Variants in AFF2 observed in about 807,000 individuals in gnomAD.
The protein encoded by AFF2 is ALF transcription elongation factor 2.
In AFF2, 14 loss-of-function variants were observed where a neutral mutation model predicts 76.9. The ratio of observed to expected loss-of-function variants is 0.18; its 90% CI spans 0.12 to 0.28. AFF2 has a LOEUF of 0.28. Ranked by LOEUF, AFF2 falls within the 10% of genes least tolerant of loss-of-function variation. The pLI, the probability that AFF2 is intolerant of heterozygous loss-of-function variation, is 1.00. For missense variants in AFF2, 868 were observed against 1,001.1 expected (o/e 0.87, Z 1.79); for synonymous variants, 398 against 366.7 (o/e 1.09, Z -0.98).
intron 20 of AFF2, among the ~76,000 whole-genome samples, chrX:148,990,980 C>A (rs2072527433): frequency 8.9e-6 from 1 of 112,031 alleles, no homozygotes; most frequent in Non-Finnish European, 1.9e-5. Flanking sequence ...TTATGTACTG[C>A]AGAGTTTTTG....
Position 148,594,339 on chromosome X carries a change from T to A in AFF2, c.48-57660T>A, listed in dbSNP as rs782667120. Among the ~76,000 whole-genome samples the A allele has an allele frequency of 4.1e-4, 46 of 112,229 alleles. No individual in the cohort carries two copies. In the Middle Eastern group the frequency reaches 0.014, roughly 34 times the overall value. On this transcript the variant is annotated intron_variant, in intron 1 of 20. Transcript: ENST00000370460. ...TTGTTTATGTCTACTAAATTTCAAGTTCTTTCTCAGTTTACAGAAGTAACA... is the reference window on the plus strand; with the variant it reads ...TTGTTTATGTCTACTAAATTTCAAGATCTTTCTCAGTTTACAGAAGTAACA...
At chrX:148,833,841 T>C (rs1027026497) in intron 4 of AFF2, among the ~76,000 whole-genome samples, 2 of 111,642 alleles carry the variant, frequency 1.8e-5, no homozygotes, top group African/African-American at 6.5e-5. Flanking sequence ...AAGGTGAGGC[T>C]TGTGACAACA....
chrX:148,759,924 AT>A (rs782135581), intron 3 of AFF2, among the ~76,000 whole-genome samples: 6 of 111,903 alleles, frequency 5.4e-5, no homozygotes, highest in African/African-American at 1.9e-4. Flanking sequence ...AAATCCAGTA[AT>A]GCCATCAACT....
At chrX:148,747,211 A>T (rs782743002) in intron 3 of AFF2, among the ~76,000 whole-genome samples, 88 of 111,092 alleles carry the variant, frequency 7.9e-4, no homozygotes, top group African/African-American at 2.7e-3. Flanking sequence ...GCTTCCCTTG[A>T]TCCTGACTTC....
intron 1 of AFF2, among the ~76,000 whole-genome samples, chrX:148,644,787 T>G (rs1487712017): frequency 3.6e-5 from 4 of 111,702 alleles, no homozygotes; most frequent in African/African-American, 9.7e-5. Flanking sequence ...ATAAAGAAAT[T>G]TATCTATTAA....
rs781906268 is a variant in AFF2, at chrX:148,843,248, T to C, written c.1211-134T>C. 4.1e-3 allele frequency: 740 copies of C among 180,044 alleles called. 4 individuals are homozygous for C. The highest frequency in any genetic ancestry group is 0.016 in the African/African-American group (453 of 28,726). The allele number at this position is 180,044 out of a possible 1,213,427, so 14.8% of individuals were successfully genotyped here. ...TGATATATCTAACTGGTTCCCCCCC[T>C]TTTTTTTTTTTAATCTGTTACTTAT... On this transcript the variant is annotated intron_variant, in intron 6 of 20. Transcript: ENST00000370460.
At chrX:148,786,168 CAAT>C (rs1569555564) in intron 3 of AFF2, among the ~76,000 whole-genome samples, 1 of 111,770 alleles carries the variant, frequency 8.9e-6, no homozygotes, top group Non-Finnish European at 1.9e-5. Flanking sequence ...TCCTTTTACT[CAAT>C]AAATATGGAA....
chrX:148,821,504 T>C (rs782078307), intron 4 of AFF2, among the ~76,000 whole-genome samples: 11 of 110,719 alleles, frequency 9.9e-5, no homozygotes, highest in Non-Finnish European at 1.7e-4. Context: ...CTGTGTGCCC[T>C]TTTCCACATC....
rs781842639 is a variant in AFF2 at position 148,579,784 on chromosome X, T to G, written c.48-72215T>G. ...TCATGAAACTGACAGCTGAGCTTTATTAAAGCATTTAATGTGCAAGATGGC... is the reference window on the plus strand; with the variant it reads ...TCATGAAACTGACAGCTGAGCTTTAGTAAAGCATTTAATGTGCAAGATGGC... On this transcript the variant is annotated intron_variant, in intron 1 of 20. Coordinates refer to ENST00000370460, the MANE Select transcript of AFF2 (RefSeq NM_002025.4). 8.1e-5 allele frequency among the ~76,000 whole-genome samples: 9 copies of G among 111,620 alleles called. No individual in the cohort carries two copies. In the South Asian group the frequency reaches 3.0e-3, roughly 37 times the overall value.
chrX:148,805,830 C>T (rs964064265), intron 3 of AFF2, among the ~76,000 whole-genome samples: 1 of 112,511 alleles, frequency 8.9e-6, no homozygotes, highest in African/African-American at 3.2e-5. Context: ...TGATGTGCAC[C>T]TCCCTTCCCT....
chrX:148,539,824 C>A (rs1259731428), intron 1 of AFF2, among the ~76,000 whole-genome samples: 1 of 111,416 alleles, frequency 9.0e-6, no homozygotes, highest in Non-Finnish European at 1.9e-5. Flanking sequence ...CCTACTTAGG[C>A]TGCAGTTTGG....
intron 1 of AFF2, among the ~76,000 whole-genome samples, chrX:148,632,019 G>A (rs2053986013): frequency 9.0e-6 from 1 of 111,622 alleles, no homozygotes; most frequent in Admixed American, 9.5e-5. Flanking sequence ...GTGAGAAGAG[G>A]GATTCTATTG....
At chrX:148,701,554 A>T (rs1467879075) in intron 3 of AFF2, among the ~76,000 whole-genome samples, 1 of 112,130 alleles carries the variant, frequency 8.9e-6, no homozygotes, top group East Asian at 2.8e-4. Flanking sequence ...ACCATTATCC[A>T]TGATTTCAGA....
chrX:148,517,816 G>C (rs1557234000), intron 1 of AFF2, among the ~76,000 whole-genome samples: 1 of 107,790 alleles, frequency 9.3e-6, no homozygotes, highest in African/African-American at 3.4e-5. Context: ...AGGAGATCGA[G>C]ACCATCCTGG....
At chrX:148,845,098 A>G (rs1330579675) in intron 7 of AFF2, among the ~76,000 whole-genome samples, 1 of 89,461 alleles carries the variant, frequency 1.1e-5, no homozygotes, top group African/African-American at 3.9e-5. Context: ...TAAAAAGTCA[A>G]TAAGATTCAC....
In AFF2 at chrX:148,728,813, G is replaced by A. The variant is rs1305644940; in HGVS notation, c.1041+66045G>A. ...CACTAGGTGAGTAAATCAGTTATTT[G>A]AAAATGGGCACATATTATAAAGTTC... On this transcript the variant is annotated intron_variant, in intron 3 of 20. Coordinates refer to ENST00000370460, the MANE Select transcript of AFF2 (RefSeq NM_002025.4). 1.1e-4 allele frequency among the ~76,000 whole-genome samples: 12 copies of A among 112,234 alleles called. No homozygotes were observed. In the Admixed American group the frequency reaches 1.1e-3, roughly 11 times the overall value.
chrX:148,682,611 T>C (rs2054562538), intron 3 of AFF2, among the ~76,000 whole-genome samples: 1 of 110,625 alleles, frequency 9.0e-6, no homozygotes, highest in Admixed American at 9.6e-5. Flanking sequence ...GATGGATGGA[T>C]GGATGGATGG....
At chrX:148,513,857 T>C (rs935118870) in intron 1 of AFF2, among the ~76,000 whole-genome samples, 1 of 110,589 alleles carries the variant, frequency 9.0e-6, no homozygotes, top group Non-Finnish European at 1.9e-5. Flanking sequence ...TCGGTTTTCT[T>C]AGGCAGGGCC....
At chrX:148,978,077 A>T in intron 17 of AFF2, 73 bp downstream of exon 17, 1 of 745,285 alleles carries the variant, frequency 1.3e-6, no homozygotes, top group Non-Finnish European at 2.1e-6. Flanking sequence ...GATCAACTTA[A>T]GCTGCTTACC....
Sources: gnomAD v4.1 joint callset for allele counts (sites outside exome capture counted in the v4.1 genomes callset) on GRCh38, gnomAD v4.1.1 for gene constraint, MANE v1.5 for transcripts, NCBI Gene and HGNC (gene_info 2026-07-23, HGNC 2026-07-21) for gene names.